Variants in KLC1 observed in about 807,000 individuals in gnomAD.
The protein encoded by KLC1 is kinesin 2 60/70kDa.
A neutral mutation model predicts 84.2 loss-of-function variants in KLC1; 30 were observed. The observed-to-expected ratio is 0.36, with a 90% confidence interval of 0.27 to 0.48. KLC1 has a LOEUF of 0.48. KLC1 is among the 20% of genes least tolerant of loss of function. KLC1 has a pLI of 0.99. For synonymous variants in KLC1, 289 were observed against 293.3 expected (o/e 0.99, Z 0.15); for missense variants, 499 against 805.4 (o/e 0.62, Z 4.60).
In KLC1 at chr14:103,654,127, TTTTC is replaced by T. The variant is rs566606844; in HGVS notation, c.-1-430_-1-427del. ...TCCTGTTCCATGTTCTTTGGCTGGT[TTTTC>T]TTTCTTCTTCCAGCTGTGTGACTCC... On this transcript the variant is annotated intron_variant, in intron 1 of 16. Coordinates refer to ENST00000334553, the MANE Select transcript of KLC1 (RefSeq NM_001394837.1). Among the ~76,000 whole-genome samples, 71 of 152,338 alleles carry T rather than the reference TTTTC, an allele frequency of 4.7e-4. 2 individuals are homozygous for T. The highest frequency in any genetic ancestry group is 1.5e-3 in the African/African-American group (62 of 41,582).
chr14:103,678,257 C>T (rs1055583758), intron 12 of KLC1, among the ~76,000 whole-genome samples: 16 of 148,700 alleles, frequency 1.1e-4, no homozygotes, highest in African/African-American at 3.2e-4. Flanking sequence ...AGCGAGACTC[C>T]GTCTCAAAAA....
chr14:103,664,843 T>TA (rs1423051642), intron 5 of KLC1, among the ~76,000 whole-genome samples: 19 of 103,758 alleles, frequency 1.8e-4, no homozygotes, highest in South Asian at 9.5e-4. Context: ...TTTTTTTTTT[T>TA]AAACTTATAT....
chr14:103,667,077 C>T (rs1391139928), intron 5 of KLC1, among the ~76,000 whole-genome samples: 2 of 151,996 alleles, frequency 1.3e-5, no homozygotes, highest in African/African-American at 2.4e-5. Context: ...CCATGTCCGG[C>T]CTCATTTAAT....
chr14:103,694,868 T>C lies in KLC1; in HGVS notation c.1848+2443T>C. On this transcript the variant is annotated intron_variant, in intron 15 of 16. Coordinates refer to ENST00000334553, the MANE Select transcript of KLC1 (RefSeq NM_001394837.1). This position sits in a 1 kb window ranked among gnomAD's most constrained non-coding sequence, Gnocchi z 4.5. Reference sequence around the variant, plus strand: ...AGACTTTAAAATACCTTTCAAAGTTTCATCCCGCCTCATGTCGCAGGACTG... The same window carrying C: ...AGACTTTAAAATACCTTTCAAAGTTCCATCCCGCCTCATGTCGCAGGACTG... The C allele has an allele frequency of 1.0e-6, 1 of 985,490 alleles. No individual in the cohort carries two copies. Among genetic ancestry groups the C allele is most frequent in the Non-Finnish European group, 1.2e-6 (1 of 829,944 alleles). The allele number at this position is 985,490 out of a possible 1,614,324, so 61.0% of individuals were successfully genotyped here.
intron 1 of KLC1, among the ~76,000 whole-genome samples, chr14:103,650,991 C>T (rs1490672126): frequency 6.6e-6 from 1 of 151,806 alleles, no homozygotes; most frequent in African/African-American, 2.4e-5. Flanking sequence ...ACTTGTCAGT[C>T]GTTTACAGTT....
chr14:103,685,003 C>T (rs898572873), intron 13 of KLC1: 17 of 1,221,798 alleles, frequency 1.4e-5, no homozygotes, highest in Admixed American at 4.0e-5. Flanking sequence ...AAATGAAGCT[C>T]GGGCTGGTTA....
At chr14:103,646,586 C>T (rs1442939157) in intron 1 of KLC1, among the ~76,000 whole-genome samples, 2 of 152,226 alleles carry the variant, frequency 1.3e-5, no homozygotes, top group Admixed American at 6.5e-5. Context: ...TCATGGCTCA[C>T]TGCAGCCGTG....
intron 5 of KLC1, among the ~76,000 whole-genome samples, chr14:103,666,776 T>TC (rs1251689539): frequency 1.9e-5 from 2 of 106,066 alleles, no homozygotes; most frequent in East Asian, 2.5e-4. Flanking sequence ...TTTTTTTCTT[T>TC]CTTTTTTTTT....
At chr14:103,658,459 G>A (rs370045510) in intron 3 of KLC1, among the ~76,000 whole-genome samples, 14 of 104,284 alleles carry the variant, frequency 1.3e-4, no homozygotes, top group African/African-American at 4.7e-4. Flanking sequence ...TTTTTTAGTA[G>A]AGATGAGGTT....
At chr14:103,652,794 G>GTTTGTTGT (rs1345853383) in intron 1 of KLC1, among the ~76,000 whole-genome samples, 2 of 152,262 alleles carry the variant, frequency 1.3e-5, no homozygotes, top group Admixed American at 6.5e-5. Context: ...CCCGGTCGGC[G>GTTTGTTGT]TTTGTTGTTT....
chr14:103,692,482 G>T, intron 15 of KLC1, 57 bp downstream of exon 15: 1 of 1,457,958 alleles, frequency 6.9e-7, no homozygotes, highest in Middle Eastern at 1.7e-4. Context: ...TGGCAGGTCT[G>T]CTGCAGACCC....
intron 7 of KLC1, among the ~76,000 whole-genome samples, chr14:103,670,950 A>T (rs569568371): frequency 1.3e-5 from 2 of 152,108 alleles, no homozygotes; most frequent in East Asian, 3.9e-4. Context: ...AGGTCCAGTT[A>T]TGAGGCGTGT....
intron 13 of KLC1, chr14:103,685,096 C>A: frequency 6.5e-7 from 1 of 1,531,206 alleles, no homozygotes; most frequent in Non-Finnish European, 8.8e-7. Context: ...GAGACGTCGG[C>A]TTTCCAACCT....
At chr14:103,646,785 G>GTT (rs200904832) in intron 1 of KLC1, among the ~76,000 whole-genome samples, 1 of 151,676 alleles carries the variant, frequency 6.6e-6, no homozygotes, top group Non-Finnish European at 1.5e-5. Flanking sequence ...AATTTTTTTT[G>GTT]TTTTTTTGTA....
In KLC1 at chr14:103,691,509, C is replaced by G. The variant is rs540809217; in HGVS notation, c.1782-850C>G. Among the ~76,000 whole-genome samples the G allele has an allele frequency of 1.7e-4, 19 of 114,716 alleles. No homozygotes were observed. The East Asian group carries it at 3.3e-3, about 20-fold the overall frequency. The allele number at this position is 114,716 out of a possible 152,430, so 75.3% of individuals were successfully genotyped here. A position where few individuals can be genotyped will look rare whatever the true frequency, so the allele number is the denominator to read the frequency against. ...TTTGGTAGGTGGAGTCTCACTCTTG[C>G]GTAGGCTGGAGTGCAGTGGCGTGAT... On this transcript the variant is annotated intron_variant, in intron 14 of 16. Coordinates refer to ENST00000334553, the MANE Select transcript of KLC1 (RefSeq NM_001394837.1).
intron 13 of KLC1, chr14:103,685,546 A>G (rs2081715305): frequency 7.8e-7 from 1 of 1,288,686 alleles, no homozygotes. Context: ...CTTGTGACCT[A>G]GAAATACTGT....
intron 1 of KLC1, among the ~76,000 whole-genome samples, chr14:103,643,036 G>T (rs528503474): frequency 4.9e-4 from 75 of 152,214 alleles, no homozygotes; most frequent in African/African-American, 1.7e-3. Context: ...CTCCCAAAGT[G>T]TTGGGATTAC....
At chr14:103,677,369 C>A in intron 11 of KLC1, 46 bp from the exon 12 acceptor site, 1 of 1,144,480 alleles carries the variant, frequency 8.7e-7, no homozygotes, top group South Asian at 1.2e-5. Flanking sequence ...AGTGGTTGTT[C>A]AGAGCTTATA....
At chr14:103,699,598 T>C in intron 15 of KLC1, 2 of 1,612,276 alleles carry the variant, frequency 1.2e-6, no homozygotes, top group Non-Finnish European at 1.7e-6. Context: ...GCTGTCATTG[T>C]CTATGCTGGT....
Sources: gnomAD v4.1 joint callset for allele counts (sites outside exome capture counted in the v4.1 genomes callset) on GRCh38, gnomAD v4.1.1 for gene constraint, Gnocchi (gnomAD v3.1) non-coding constraint, MANE v1.5 for transcripts, NCBI Gene and HGNC (gene_info 2026-07-23, HGNC 2026-07-21) for gene names.